Variants in ATP13A5 observed in about 807,000 individuals in gnomAD.
ATP13A5 encodes ATPase 13A5.
A neutral mutation model predicts 150.2 loss-of-function variants in ATP13A5; 149 were observed. The ratio of observed to expected loss-of-function variants is 0.99; its 90% CI spans 0.87 to 1.14. ATP13A5 has a LOEUF of 1.14. Ranked by LOEUF, ATP13A5 falls within the 50% of genes most tolerant of loss-of-function variation. The pLI is 0.00. For missense variants in ATP13A5, 1,383 were observed against 1,449.3 expected (o/e 0.95, Z 0.74); for synonymous variants, 497 against 522.2 (o/e 0.95, Z 0.66).
chr3:193,378,555 C>G (rs1408530772), intron 1 of ATP13A5, 108 bp downstream of exon 1: 1 of 1,022,298 alleles, frequency 9.8e-7, no homozygotes, highest in African/African-American at 1.6e-5. Context: ...TTTCAAGGTC[C>G]TAAAGCCTGA....
chr3:193,376,021 G>A (rs1278694084), intron 1 of ATP13A5, among the ~76,000 whole-genome samples: 1 of 152,174 alleles, frequency 6.6e-6, no homozygotes, highest in Non-Finnish European at 1.5e-5. Context: ...AATCTTCGGG[G>A]AAGGAAGAGC....
intron 17 of ATP13A5, among the ~76,000 whole-genome samples, chr3:193,315,651 G>A (rs1016841794): frequency 6.6e-5 from 10 of 152,126 alleles, no homozygotes; most frequent in African/African-American, 1.2e-4. Flanking sequence ...ATGTAGGAAC[G>A]TTCCTCTGAA....
intron 7 of ATP13A5, among the ~76,000 whole-genome samples, chr3:193,349,796 T>C (rs902231128): frequency 4.6e-5 from 7 of 152,162 alleles, no homozygotes; most frequent in South Asian, 2.1e-4. Context: ...TGTGTGTTTC[T>C]GATTTAAAAA....
chr3:193,324,538 A>G (rs892880150), intron 14 of ATP13A5, among the ~76,000 whole-genome samples: 1 of 152,186 alleles, frequency 6.6e-6, no homozygotes, highest in Non-Finnish European at 1.5e-5. Flanking sequence ...GAGGTCAGAT[A>G]GGTTCGGTAA....
At chr3:193,314,337 G>T in intron 18 of ATP13A5, 144 bp from the exon 19 acceptor site, 1 of 844,124 alleles carries the variant, frequency 1.2e-6, no homozygotes, top group Non-Finnish European at 1.8e-6. Flanking sequence ...CTCTGCTGTA[G>T]ACTGCCCCTA....
intron 27 of ATP13A5, among the ~76,000 whole-genome samples, chr3:193,281,686 T>C (rs1353953612): frequency 6.6e-6 from 1 of 152,202 alleles, no homozygotes; most frequent in Admixed American, 6.5e-5. Flanking sequence ...ATAGTAGTTC[T>C]AGAGGCTTTT....
chr3:193,335,635 T>C (rs896552949), intron 9 of ATP13A5, among the ~76,000 whole-genome samples: 4 of 152,172 alleles, frequency 2.6e-5, no homozygotes, highest in South Asian at 2.1e-4. Context: ...AAAATAGTAG[T>C]TATTCCACAT....
intron 1 of ATP13A5, among the ~76,000 whole-genome samples, chr3:193,365,524 A>G (rs1026537869): frequency 1.3e-5 from 2 of 152,126 alleles, no homozygotes; most frequent in Non-Finnish European, 2.9e-5. Context: ...CTCTGATTCT[A>G]TAAACCTGCT....
intron 11 of ATP13A5, among the ~76,000 whole-genome samples, chr3:193,331,834 C>CGTAA (rs1448211089): frequency 2.0e-5 from 3 of 152,110 alleles, no homozygotes; most frequent in Non-Finnish European, 4.4e-5. Context: ...AACCTTATGA[C>CGTAA]GTAAATACTA....
chr3:193,371,722 A>G (rs886221569), intron 1 of ATP13A5, among the ~76,000 whole-genome samples: 2 of 152,218 alleles, frequency 1.3e-5, no homozygotes, highest in Non-Finnish European at 2.9e-5. Context: ...CCTCCCTTGC[A>G]TCAGACCTCT....
chr3:193,329,748 C>T (rs1226674201), intron 12 of ATP13A5, among the ~76,000 whole-genome samples: 2 of 152,098 alleles, frequency 1.3e-5, no homozygotes, highest in African/African-American at 2.4e-5. Context: ...CAAGCCTGGT[C>T]GAGTCTACTC....
rs74964989 is a variant in ATP13A5, at chr3:193,332,217, A to C, written c.1273-906T>G. 9.8e-3 allele frequency among the ~76,000 whole-genome samples: 1,490 copies of C among 151,932 alleles called. 21 individuals are homozygous for C. Among genetic ancestry groups the C allele is most frequent in the African/African-American group, 0.035 (1,432 of 41,396 alleles). ...TATAAATGGGATTTCCCCTGCACAA[A>C]CTCTCTTGCCTGCCACCATGTAAGA... On this transcript the variant is annotated intron_variant, in intron 11 of 29. Coordinates refer to ENST00000342358, the MANE Select transcript of ATP13A5 (RefSeq NM_198505.4).
intron 27 of ATP13A5, 28 bp downstream of exon 27, chr3:193,284,886 A>G: frequency 6.4e-7 from 1 of 1,564,296 alleles, no homozygotes; most frequent in Non-Finnish European, 8.7e-7. Context: ...AAATATTCAG[A>G]AAGAAAAATT....
intron 5 of ATP13A5, among the ~76,000 whole-genome samples, chr3:193,354,939 A>ATTTTTTTTTTTTTT (rs1712720311): frequency 1.4e-5 from 1 of 69,042 alleles, no homozygotes; most frequent in Non-Finnish European, 2.9e-5. Context: ...CAACAATGTA[A>ATTTTTTTTTTTTTT]CTTTTTTTTT....
chr3:193,280,389 TTCAAAGAGTAATAC>T (rs1363967759), intron 27 of ATP13A5, among the ~76,000 whole-genome samples: 1 of 152,156 alleles, frequency 6.6e-6, no homozygotes, highest in African/African-American at 2.4e-5. Flanking sequence ...CCACTTCCTC[TTCAAAGAGTAATAC>T]TCCCTTACAA....
rs760051895 is a variant in ATP13A5, at chr3:193,289,989, T to TA, written c.2918dup (p.Leu973PhefsTer31). On this transcript the variant is annotated frameshift_variant, in exon 26 of 30. Coordinates refer to ENST00000342358, the MANE Select transcript of ATP13A5 (RefSeq NM_198505.4). LOFTEE classifies it high-confidence loss of function. ...AGGAATTCAAAAATATTGAAAGCAG[T>TA]AAAGGGGGAGAAAGGAGCTGTCCTG... 7 of 1,612,626 alleles carry TA rather than the reference T, an allele frequency of 4.3e-6. No homozygotes were observed. Among genetic ancestry groups the TA allele is most frequent in the Admixed American group, 1.7e-5 (1 of 59,842 alleles).
At chr3:193,294,350 T>G (rs1328465325) in intron 25 of ATP13A5, among the ~76,000 whole-genome samples, 1 of 152,112 alleles carries the variant, frequency 6.6e-6, no homozygotes, top group African/African-American at 2.4e-5. Flanking sequence ...ATTTTCTTGA[T>G]CTAGTTTGAG....
chr3:193,351,278 A>T lies in ATP13A5; in HGVS notation c.607-77T>A. ...TCAAGAAGATGTCATTTCATTATCA[A>T]TTTTTTTCTCATTTTTTTACAACAT... On this transcript the variant is annotated intron_variant, in intron 6 of 29. Transcript: ENST00000342358. 1.9e-6 allele frequency: 3 copies of T among 1,538,524 alleles called. No homozygotes were observed. The East Asian group carries it at 6.8e-5, about 35-fold the overall frequency.
At chr3:193,375,605 A>G (rs1164937171) in intron 1 of ATP13A5, among the ~76,000 whole-genome samples, 2 of 152,162 alleles carry the variant, frequency 1.3e-5, no homozygotes, top group African/African-American at 4.8e-5. Context: ...GTAGGTTGGA[A>G]AAAACAATAA....
Sources: allele counts gnomAD v4.1 joint callset (sites outside exome capture counted in the v4.1 genomes callset), GRCh38; gene constraint gnomAD v4.1.1; transcripts MANE v1.5; gene names NCBI Gene and HGNC (gene_info 2026-07-23, HGNC 2026-07-21).